The following SMC3 variants were observed in gnomAD, a reference collection of about 807,000 sequenced individuals.
The protein encoded by SMC3 is structural maintenance of chromosomes protein 3.
SMC3 carries 20 observed loss-of-function variants against 171.8 expected under a neutral mutation model. The observed-to-expected ratio is 0.12, with a 90% CI of 0.08 to 0.17. SMC3 has a LOEUF of 0.17. Ranked by LOEUF, SMC3 falls within the 10% of genes least tolerant of loss-of-function variation. The pLI, the probability that SMC3 is intolerant of heterozygous loss-of-function variation, is 1.00. For missense variants in SMC3, 543 were observed against 1,420.4 expected (o/e 0.38, Z 9.93); for synonymous variants, 464 against 451.1 (o/e 1.03, Z -0.36).
intron 2 of SMC3, among the ~76,000 whole-genome samples, chr10:110,569,385 C>A (rs1394260905): frequency 1.3e-5 from 2 of 152,046 alleles, no homozygotes; most frequent in East Asian, 3.9e-4. Context: ...TCCCCCCCCA[C>A]CCCGGCAGTC....
At chr10:110,601,159 T>G (rs765500544) in intron 23 of SMC3, 29 bp downstream of exon 23, 2 of 1,480,098 alleles carry the variant, frequency 1.4e-6, no homozygotes, top group South Asian at 2.3e-5. Context: ...AAATTTTGTT[T>G]ATATGCATGT....
At chr10:110,582,959 TCTCA>T (rs1219880691) in intron 10 of SMC3, among the ~76,000 whole-genome samples, 1 of 140,034 alleles carries the variant, frequency 7.1e-6, no homozygotes, top group African/African-American at 2.8e-5. Flanking sequence ...GAAGACAGGG[TCTCA>T]CTCCATTGCA....
At chr10:110,578,169 G>A (rs1023667399) in intron 6 of SMC3, among the ~76,000 whole-genome samples, 4 of 152,244 alleles carry the variant, frequency 2.6e-5, no homozygotes, top group African/African-American at 7.2e-5. Flanking sequence ...CACCTCCCGG[G>A]TTCAAGCTAT....
intron 2 of SMC3, among the ~76,000 whole-genome samples, chr10:110,570,880 G>C (rs930898206): frequency 1.3e-5 from 2 of 152,196 alleles, no homozygotes; most frequent in Non-Finnish European, 1.5e-5. Flanking sequence ...CAGACACGTT[G>C]TAAGACATAA....
chr10:110,596,303 C>A, intron 18 of SMC3, 95 bp from the exon 19 acceptor site: 1 of 1,100,896 alleles, frequency 9.1e-7, no homozygotes. Context: ...TTCTCATTAT[C>A]TACTTAAAGC....
intron 18 of SMC3, 136 bp downstream of exon 18, chr10:110,593,359 G>A (rs1861237878): frequency 1.2e-6 from 1 of 827,888 alleles, no homozygotes; most frequent in East Asian, 2.8e-5. Context: ...ATCACCTGAA[G>A]TCAGGAGTTC....
Position 110,577,453 on chromosome 10 carries a change from T to C in SMC3, c.231T>C (p.Phe77=). The change falls in exon 5 of 29, where the codon TTT becomes TTC. Residue 77 remains phenylalanine, a synonymous_variant. Coordinates refer to ENST00000361804, the MANE Select transcript of SMC3 (RefSeq NM_005445.4). ...CTGGTCCTCGTGTTATTTCTGCTTTTGTGGAGATTATTTTTGATAATTCAG... is the reference window on the plus strand; with the variant it reads ...CTGGTCCTCGTGTTATTTCTGCTTTCGTGGAGATTATTTTTGATAATTCAG... ...EGTGPRVISA[F]VEIIFDNSDN... The C allele has an allele frequency of 6.2e-7, 1 of 1,613,242 alleles. No individual in the cohort carries two copies. Among genetic ancestry groups the C allele is most frequent in the East Asian group, 2.2e-5 (1 of 44,758 alleles).
chr10:110,599,525 A>C (rs1861355039), intron 20 of SMC3, 129 bp from the exon 21 acceptor site: 1 of 756,742 alleles, frequency 1.3e-6, no homozygotes, highest in East Asian at 2.7e-5. Context: ...TTACCAAATT[A>C]ATAGGCACCT....
intron 27 of SMC3, 78 bp from the exon 28 acceptor site, chr10:110,603,106 A>G: frequency 6.6e-7 from 1 of 1,520,912 alleles, no homozygotes; most frequent in Non-Finnish European, 9.1e-7. Flanking sequence ...GAATTTTAGT[A>G]AGAGTAAAGA....
chr10:110,579,808 A>G (rs1861005740), intron 7 of SMC3, among the ~76,000 whole-genome samples: 1 of 152,194 alleles, frequency 6.6e-6, no homozygotes, highest in South Asian at 2.1e-4. Context: ...TGATTCTTTG[A>G]TGTAGATACT....
chr10:110,590,718 A>G (rs1003254946), intron 16 of SMC3, 146 bp downstream of exon 16: 1 of 746,558 alleles, frequency 1.3e-6, no homozygotes, highest in African/African-American at 1.8e-5. Context: ...GTAGATGCTA[A>G]GTATTTGTTC....
At chr10:110,588,100 C>T (rs890377585) in intron 13 of SMC3, among the ~76,000 whole-genome samples, 14 of 152,308 alleles carry the variant, frequency 9.2e-5, no homozygotes, top group African/African-American at 3.4e-4. Context: ...AAGTGATTCT[C>T]CTGCCTCAGC....
rs374832653 is a variant in SMC3 at position 110,590,495 on chromosome 10, C to G, written c.1593C>G (p.Gly531=). The change falls in exon 16 of 29, where the codon GGC becomes GGG. Residue 531 remains glycine, a synonymous_variant. Transcript: ENST00000361804. ...RKGINQHVQN[G]YHGIVMNNFE... is the part of the protein sequence containing the mutation. ...GAATAAACCAGCATGTTCAAAATGG[C>G]TATCATGGTATTGTAATGAATAACT... is the stretch of plus-strand genomic sequence containing the variant. 1.2e-6 allele frequency: 2 copies of G among 1,613,802 alleles called. No homozygotes were observed. The highest frequency in any genetic ancestry group is 1.7e-6 in the Non-Finnish European group (2 of 1,179,688).
At chr10:110,567,881 C>A in intron 1 of SMC3, 50 bp downstream of exon 1, 2 of 1,608,854 alleles carry the variant, frequency 1.2e-6, no homozygotes. Flanking sequence ...AAGGGCCGCT[C>A]CTTGAGGCGG....
chr10:110,603,401 T>A (rs983219738), intron 28 of SMC3, 111 bp downstream of exon 28: 8 of 722,052 alleles, frequency 1.1e-5, no homozygotes, highest in African/African-American at 5.4e-5. Context: ...TCTTTGCTTA[T>A]CTGATGTCTT....
At chr10:110,596,697 T>A in intron 19 of SMC3, 147 bp downstream of exon 19, 1 of 740,402 alleles carries the variant, frequency 1.4e-6, no homozygotes, top group Non-Finnish European at 2.1e-6. Flanking sequence ...TTTTGAAGAC[T>A]AAAAGCTATT....
chr10:110,570,226 A>C (rs1326332117), intron 2 of SMC3, among the ~76,000 whole-genome samples: 1 of 152,102 alleles, frequency 6.6e-6, no homozygotes, highest in Non-Finnish European at 1.5e-5. Flanking sequence ...AAATACTATC[A>C]CATTCGGGAT....
At chr10:110,603,784 T>C (rs992196084) in intron 28 of SMC3, among the ~76,000 whole-genome samples, 5 of 152,208 alleles carry the variant, frequency 3.3e-5, no homozygotes, top group African/African-American at 1.2e-4. Flanking sequence ...TTCAGAATTA[T>C]TTTCCTTCAT....
chr10:110,567,758 T>C lies in SMC3; in HGVS notation c.-59T>C. 13 of 1,609,444 alleles carry C rather than the reference T, an allele frequency of 8.1e-6. No homozygotes were observed. In the South Asian group the frequency reaches 1.4e-4, roughly 18 times the overall value. On this transcript the variant is annotated 5_prime_UTR_variant, in exon 1 of 29. Coordinates refer to ENST00000361804, the MANE Select transcript of SMC3 (RefSeq NM_005445.4). ...GTCGCGTAGGCGCCTCACCTGACCC[T>C]GCGGCCGTGCGGTTGCTGCTCCGGG...
Sources: gnomAD v4.1 joint callset for allele counts (sites outside exome capture counted in the v4.1 genomes callset) on GRCh38, gnomAD v4.1.1 for gene constraint, MANE v1.5 for transcripts, NCBI Gene and HGNC (gene_info 2026-07-23, HGNC 2026-07-21) for gene names.